COL18A1: variants seen among roughly 807,000 people sequenced by gnomAD.
The protein encoded by COL18A1 is collagen type XVIII alpha 1 chain, also known as collagen alpha-1(XVIII) chain.
A neutral mutation model predicts 168.0 loss-of-function variants in COL18A1; 133 were observed. That is an observed-to-expected ratio of 0.79 (90% CI 0.69 to 0.91). The LOEUF is 0.91. COL18A1 is among the 40% of genes least tolerant of loss of function. The probability of loss-of-function intolerance (pLI) is 0.00; values close to 1 mark genes in which losing one functional copy is unlikely to be tolerated. For synonymous variants in COL18A1, 949 were observed against 809.0 expected (o/e 1.17, Z -2.94); for missense variants, 2,126 against 1,925.4 (o/e 1.10, Z -1.95).
At chr21:45,447,905 C>T (rs544707447) in intron 2 of COL18A1, among the ~76,000 whole-genome samples, 1 of 152,128 alleles carries the variant, frequency 6.6e-6, no homozygotes, top group East Asian at 1.9e-4. Context: ...GCCCCCCTTG[C>T]AGCAGCATTC....
At chr21:45,436,294 C>T (rs1170038338) in intron 2 of COL18A1, among the ~76,000 whole-genome samples, 1 of 152,140 alleles carries the variant, frequency 6.6e-6, no homozygotes, top group Non-Finnish European at 1.5e-5. Flanking sequence ...GTGAGCTGTA[C>T]AGCAGTGTCA....
intron 9 of COL18A1, among the ~76,000 whole-genome samples, chr21:45,479,256 C>G (rs1006605716): frequency 6.6e-6 from 1 of 151,690 alleles, no homozygotes; most frequent in Non-Finnish European, 1.5e-5. Context: ...CCACACATTA[C>G]ACACCACACG....
At chr21:45,411,824 A>G (rs918779075) in intron 2 of COL18A1, among the ~76,000 whole-genome samples, 1 of 145,834 alleles carries the variant, frequency 6.9e-6, no homozygotes, top group African/African-American at 2.6e-5. Context: ...CTCGCTTCTG[A>G]TGGGCGACGT....
rs549017796 is a variant in COL18A1 at position 45,471,153 on chromosome 21, C to T, written c.651+2367C>T. The stretch of plus-strand genomic sequence containing the variant: ...GCCTTGTGCTGCTGGGCGTGGGTGG[C>T]GTGCAGCAGGCCGTGTGCTGCTGGG... On this transcript the variant is annotated intron_variant, in intron 3 of 41. Coordinates refer to ENST00000651438, the MANE Select transcript of COL18A1 (RefSeq NM_001379500.1). The surrounding 1 kb of genome is among the most constrained non-coding windows in gnomAD (Gnocchi z 4.4). Among the ~76,000 whole-genome samples, 1 of 150,300 alleles carries T rather than the reference C, an allele frequency of 6.7e-6. No homozygotes were observed. The highest frequency in any genetic ancestry group is 1.5e-5 in the Non-Finnish European group (1 of 67,550).
At chr21:45,429,391 C>T (rs1211365573) in intron 2 of COL18A1, among the ~76,000 whole-genome samples, 1 of 151,290 alleles carries the variant, frequency 6.6e-6, no homozygotes, top group African/African-American at 2.4e-5. Flanking sequence ...ATGGCTGCTG[C>T]AGGTCCCTGT....
chr21:45,475,988 C>A (rs2035634314), intron 5 of COL18A1, among the ~76,000 whole-genome samples: 1 of 152,178 alleles, frequency 6.6e-6, no homozygotes, highest in Admixed American at 6.5e-5. Flanking sequence ...AGTGGGGAGG[C>A]CCCAGCCGCG....
chr21:45,480,312 C>T (rs575221755), intron 11 of COL18A1, among the ~76,000 whole-genome samples, 155 bp from the exon 12 acceptor site: 2 of 152,308 alleles, frequency 1.3e-5, no homozygotes, highest in South Asian at 4.1e-4. Flanking sequence ...CCCCATCCAC[C>T]TGCCTTCAGG....
At chr21:45,476,323 A>G in intron 5 of COL18A1, 28 bp from the exon 6 acceptor site, 1 of 1,613,592 alleles carries the variant, frequency 6.2e-7, no homozygotes, top group Non-Finnish European at 8.5e-7. Context: ...CGGCCGAATA[A>G]CAGGCCACCT....
At chr21:45,417,422 CGGGGCTT>C (rs1569276100) in intron 2 of COL18A1, among the ~76,000 whole-genome samples, 1 of 152,202 alleles carries the variant, frequency 6.6e-6, no homozygotes, top group Non-Finnish European at 1.5e-5. Context: ...CTGGGTTCCC[CGGGGCTT>C]GGGGCCCTTT....
At chr21:45,496,940 A>T (rs977992660) in intron 30 of COL18A1, 110 bp from the exon 31 acceptor site, 10 of 760,602 alleles carry the variant, frequency 1.3e-5, no homozygotes, top group Non-Finnish European at 2.4e-5. Context: ...GGAGGCTGCT[A>T]TGTGGCCTCA....
rs931394748 is a variant in COL18A1 at position 45,509,984 on chromosome 21, G to A, written c.3496-80G>A. 3.0e-5 allele frequency: 44 copies of A among 1,471,822 alleles called. No individual in the cohort carries two copies. The Admixed American group carries it at 3.5e-4, about 12-fold the overall frequency. 91.2% of individuals were successfully genotyped at this position (1,471,822 alleles called of 1,614,324 possible). On this transcript the variant is annotated intron_variant, in intron 39 of 41. Transcript: ENST00000651438. ...CGGCCGTGCCTGTCCACACAGGTGC[G>A]GGGCCGGGGTGGTGCGCCCGGGGCC... is the stretch of plus-strand genomic sequence containing the variant.
At chr21:45,456,144 T>C (rs1399268690) in intron 2 of COL18A1, 1 of 1,583,132 alleles carries the variant, frequency 6.3e-7, no homozygotes. Flanking sequence ...TGGGCACCAC[T>C]CACGGGGCCC....
In COL18A1 at chr21:45,436,429, ACTTC is replaced by A. The variant is rs1238716049; in HGVS notation, c.106+30961_106+30964del. On this transcript the variant is annotated intron_variant, in intron 2 of 41. Coordinates refer to ENST00000651438, the MANE Select transcript of COL18A1 (RefSeq NM_001379500.1). Reference sequence around the variant, plus strand: ...TTGTGAATCTGTGTTCATTTTCCTGACTTCCTTCATTTCTTGTGATTTTAAAGCT... The same window carrying A: ...TTGTGAATCTGTGTTCATTTTCCTGACTTCATTTCTTGTGATTTTAAAGCT... 2.6e-5 allele frequency among the ~76,000 whole-genome samples: 4 copies of A among 152,030 alleles called. No individual in the cohort carries two copies. The East Asian group carries it at 7.7e-4, about 29-fold the overall frequency.
intron 2 of COL18A1, among the ~76,000 whole-genome samples, chr21:45,449,546 C>T (rs1045043052): frequency 6.6e-6 from 1 of 152,122 alleles, no homozygotes; most frequent in East Asian, 1.9e-4. Context: ...ACCCTGCCCC[C>T]ACCGTGGGGG....
At chr21:45,405,353 G>A (rs2033060738) in intron 1 of COL18A1, 26 bp from the exon 2 acceptor site, 15 of 1,000,676 alleles carry the variant, frequency 1.5e-5, no homozygotes, top group Non-Finnish European at 1.8e-5. Flanking sequence ...GTCCTGCGGG[G>A]TCTGACCCGT....
At position 45,463,707 on chromosome 21, in the gene COL18A1, G is replaced by T. The variant is rs1284287305; in HGVS notation, c.107-4535G>T. ...GAGGTCGGGAGTTGGAGACCAGCCT[G>T]ACCAACACGGAGAAACCCCATCTCT... On this transcript the variant is annotated intron_variant, in intron 2 of 41. Coordinates refer to ENST00000651438, the MANE Select transcript of COL18A1 (RefSeq NM_001379500.1). This position sits in a 1 kb window ranked among gnomAD's most constrained non-coding sequence, Gnocchi z 4.0. Among the ~76,000 whole-genome samples the T allele has an allele frequency of 6.6e-6, 1 of 152,132 alleles. No homozygotes were observed. Among genetic ancestry groups the T allele is most frequent in the Non-Finnish European group, 1.5e-5 (1 of 68,032 alleles).
At chr21:45,411,311 T>C (rs2033282008) in intron 2 of COL18A1, among the ~76,000 whole-genome samples, 2 of 152,156 alleles carry the variant, frequency 1.3e-5, no homozygotes, top group Non-Finnish European at 2.9e-5. Context: ...GATTGGGGGC[T>C]GGCATTAGTG....
In COL18A1 at chr21:45,471,086, G is replaced by A. The variant is rs866830054; in HGVS notation, c.651+2300G>A. Among the ~76,000 whole-genome samples, 60 of 130,226 alleles carry A rather than the reference G, an allele frequency of 4.6e-4. No individual in the cohort carries two copies. Among genetic ancestry groups the A allele is most frequent in the Middle Eastern group, 4.4e-3 (1 of 228 alleles). The allele number at this position is 130,226 out of a possible 152,430, so 85.4% of individuals were successfully genotyped here. A position where few individuals can be genotyped will look rare whatever the true frequency, so the allele number is the denominator to read the frequency against. ...TTGTGCTGCTGGGCCTGGGTGGCGC[G>A]CTACGGGCCGTGTGCTGCTGGGCCT... On this transcript the variant is annotated intron_variant, in intron 3 of 41. Transcript: ENST00000651438. This position sits in a 1 kb window ranked among gnomAD's most constrained non-coding sequence, Gnocchi z 4.4.
chr21:45,472,958 G>A (rs539478920), intron 3 of COL18A1, among the ~76,000 whole-genome samples: 1 of 152,344 alleles, frequency 6.6e-6, no homozygotes, highest in South Asian at 2.1e-4. Context: ...CACCTGCCTG[G>A]GCTTTGGGGG....
Sources: gnomAD v4.1 joint callset for allele counts (sites outside exome capture counted in the v4.1 genomes callset) on GRCh38, gnomAD v4.1.1 for gene constraint, Gnocchi (gnomAD v3.1) non-coding constraint, MANE v1.5 for transcripts, NCBI Gene and HGNC (gene_info 2026-07-23, HGNC 2026-07-21) for gene names.